VAV2: variants seen among roughly 807,000 people sequenced by gnomAD.
The protein encoded by VAV2 is vav guanine nucleotide exchange factor 2, also known as guanine nucleotide exchange factor VAV2.
A neutral mutation model predicts 132.5 loss-of-function variants in VAV2; 67 were observed. The observed-to-expected ratio is 0.51, with a 90% CI of 0.42 to 0.62. VAV2 has a LOEUF of 0.62. Ranked by LOEUF, VAV2 falls within the 20% of genes least tolerant of loss-of-function variation. The pLI, the probability that VAV2 is intolerant of heterozygous loss-of-function variation, is 0.00. For missense variants in VAV2, 938 were observed against 1,153.6 expected (o/e 0.81, Z 2.71); for synonymous variants, 492 against 443.5 (o/e 1.11, Z -1.37).
intron 1 of VAV2, among the ~76,000 whole-genome samples, chr9:133,959,518 G>T (rs1841897884): frequency 6.6e-6 from 1 of 152,108 alleles, no homozygotes; most frequent in Non-Finnish European, 1.5e-5. Flanking sequence ...CTCCCTACCA[G>T]GGAGCCCAGG....
At chr9:133,787,764 T>C (rs1403412559) in intron 15 of VAV2, among the ~76,000 whole-genome samples, 1 of 151,930 alleles carries the variant, frequency 6.6e-6, no homozygotes, top group Non-Finnish European at 1.5e-5. Flanking sequence ...CCTGTAGCCC[T>C]GGCCCCACCC....
intron 2 of VAV2, among the ~76,000 whole-genome samples, chr9:133,865,760 A>C (rs1302764039): frequency 6.6e-6 from 1 of 152,232 alleles, no homozygotes; most frequent in Non-Finnish European, 1.5e-5. Flanking sequence ...ATATATTCAC[A>C]GATTATATGT....
At position 133,774,916 on chromosome 9, in the gene VAV2, G is replaced by A; in HGVS notation, c.2135+19C>T. ...GGCATTGGGGGATGGGTCTCCTCGA[G>A]CCCAGAGCCGCCACTTACTTGATGC... On this transcript the variant is annotated intron_variant, in intron 25 of 29. Transcript: ENST00000371850. 1 of 1,604,350 alleles carries A rather than the reference G, an allele frequency of 6.2e-7. No individual in the cohort carries two copies. The highest frequency in any genetic ancestry group is 1.1e-5 in the South Asian group (1 of 90,290).
chr9:133,878,547 T>C (rs1838358590), intron 2 of VAV2, among the ~76,000 whole-genome samples: 1 of 152,146 alleles, frequency 6.6e-6, no homozygotes, highest in Non-Finnish European at 1.5e-5. Flanking sequence ...GCAGTCACCA[T>C]CATCGTTGCT....
chr9:133,938,534 A>G (rs1432379517), intron 2 of VAV2, among the ~76,000 whole-genome samples: 5 of 151,924 alleles, frequency 3.3e-5, no homozygotes, highest in African/African-American at 1.2e-4. Flanking sequence ...GTGCCATGTG[A>G]GGCTTCCTGA....
intron 1 of VAV2, among the ~76,000 whole-genome samples, chr9:133,988,939 C>T (rs957038596): frequency 3.9e-5 from 6 of 152,080 alleles, no homozygotes; most frequent in Non-Finnish European, 7.4e-5. Flanking sequence ...GGGCCAGGCA[C>T]GGTGGCTCAA....
chr9:133,841,750 C>G (rs766414387), intron 3 of VAV2, among the ~76,000 whole-genome samples: 6 of 152,218 alleles, frequency 3.9e-5, no homozygotes, highest in Non-Finnish European at 7.3e-5. Flanking sequence ...CTGCCTGTCT[C>G]TGAGCCTCAG....
intron 25 of VAV2, among the ~76,000 whole-genome samples, chr9:133,772,290 C>T (rs1279307953): frequency 1.3e-5 from 2 of 152,228 alleles, no homozygotes; most frequent in Admixed American, 6.5e-5. Context: ...CTCAGCTCCC[C>T]GCCTCTCCTG....
chr9:133,907,533 C>T lies in VAV2; in HGVS notation c.321+31570G>A, dbSNP rs114507203. Among the ~76,000 whole-genome samples the T allele has an allele frequency of 8.7e-3, 1,331 of 152,302 alleles. 23 individuals carry two copies. The highest frequency in any genetic ancestry group is 0.03 in the African/African-American group (1,253 of 41,562). ...CAGCAAACCCAGGAGACTAGCTCCT[C>T]GGCTGACTAACTTTAAGCTCCACCA... On this transcript the variant is annotated intron_variant, in intron 2 of 29. Transcript: ENST00000371850.
intron 9 of VAV2, among the ~76,000 whole-genome samples, chr9:133,799,188 C>T (rs1834836956): frequency 6.6e-6 from 1 of 152,204 alleles, no homozygotes. Context: ...GCTGGGAACA[C>T]ATTTTCTGCC....
chr9:133,804,735 G>A lies in VAV2; in HGVS notation c.836+1346C>T, dbSNP rs370497303. On this transcript the variant is annotated intron_variant, in intron 9 of 29. Coordinates refer to ENST00000371850, the MANE Select transcript of VAV2 (RefSeq NM_001134398.2). This position sits in a 1 kb window ranked among gnomAD's most constrained non-coding sequence, Gnocchi z 4.5. ...CGACAGCCAGTGTGACCTGCCAGCCGGGCACTATCAGCTCACCCACAGATG... is the reference window on the plus strand; with the variant it reads ...CGACAGCCAGTGTGACCTGCCAGCCAGGCACTATCAGCTCACCCACAGATG... Among the ~76,000 whole-genome samples the A allele has an allele frequency of 5.3e-5, 8 of 152,310 alleles. No homozygotes were observed. The highest frequency in any genetic ancestry group is 2.6e-4 in the Admixed American group (4 of 15,302).
intron 12 of VAV2, 25 bp from the exon 13 acceptor site, chr9:133,791,894 G>A: frequency 3.1e-6 from 5 of 1,603,674 alleles, no homozygotes; most frequent in Non-Finnish European, 4.3e-6. Flanking sequence ...GCAGAGGTGA[G>A]CGGGCTGTGC....
At chr9:133,796,053 G>C (rs1458842622) in intron 11 of VAV2, among the ~76,000 whole-genome samples, 1 of 152,248 alleles carries the variant, frequency 6.6e-6, no homozygotes, top group Admixed American at 6.5e-5. Flanking sequence ...CTCGCAAGGT[G>C]CCGGGCAGAA....
chr9:133,894,730 C>T lies in VAV2; in HGVS notation c.322-33298G>A, dbSNP rs567009413. Among the ~76,000 whole-genome samples, 28 of 152,300 alleles carry T rather than the reference C, an allele frequency of 1.8e-4. No individual in the cohort carries two copies. The East Asian group carries it at 4.6e-3, about 25-fold the overall frequency. ...GTGGGCCTCTCCCCAGAACACAGGG[C>T]ACCCCAAGAGGCTCCAGATCCTGGC... On this transcript the variant is annotated intron_variant, in intron 2 of 29. Coordinates refer to ENST00000371850, the MANE Select transcript of VAV2 (RefSeq NM_001134398.2).
chr9:133,991,328 G>A lies in VAV2; in HGVS notation c.204+747C>T, dbSNP rs1278556775. 6.6e-6 allele frequency among the ~76,000 whole-genome samples: 1 copy of A among 152,204 alleles called. No individual in the cohort carries two copies. Among genetic ancestry groups the A allele is most frequent in the Admixed American group, 6.5e-5 (1 of 15,286 alleles). On this transcript the variant is annotated intron_variant, in intron 1 of 29. Coordinates refer to ENST00000371850, the MANE Select transcript of VAV2 (RefSeq NM_001134398.2). This position sits in a 1 kb window ranked among gnomAD's most constrained non-coding sequence, Gnocchi z 4.8. The stretch of plus-strand genomic sequence containing the variant: ...AAAGCAGCTTCGTTCGGCTGGGCAG[G>A]CATTTTCCTGCCTGGCCCTGCGGCC...
At chr9:133,957,404 A>C (rs1195268014) in intron 1 of VAV2, among the ~76,000 whole-genome samples, 3 of 151,456 alleles carry the variant, frequency 2.0e-5, no homozygotes, top group Non-Finnish European at 4.4e-5. Flanking sequence ...TCGTCTCTTG[A>C]CTCTGGGTTT....
intron 2 of VAV2, among the ~76,000 whole-genome samples, chr9:133,887,622 C>T (rs1838763980): frequency 6.6e-6 from 1 of 152,072 alleles, no homozygotes; most frequent in African/African-American, 2.4e-5. Flanking sequence ...GGGGACACCA[C>T]GGACTCCACT....
chr9:133,808,341 C>G (rs1835232910), intron 7 of VAV2, among the ~76,000 whole-genome samples: 1 of 152,228 alleles, frequency 6.6e-6, no homozygotes, highest in Admixed American at 6.5e-5. Flanking sequence ...GCCCAGGTCT[C>G]CCGGCTGGAG....
intron 8 of VAV2, among the ~76,000 whole-genome samples, chr9:133,806,567 T>G (rs1466378005): frequency 6.6e-6 from 1 of 151,570 alleles, no homozygotes; most frequent in Non-Finnish European, 1.5e-5. Context: ...CCTCTTTCTG[T>G]CTGTGCTCCT....
Sources: allele counts gnomAD v4.1 joint callset (sites outside exome capture counted in the v4.1 genomes callset), GRCh38; gene constraint gnomAD v4.1.1; non-coding constraint Gnocchi (gnomAD v3.1); transcripts MANE v1.5; gene names NCBI Gene and HGNC (gene_info 2026-07-23, HGNC 2026-07-21).